Variants in VTI1A observed in about 807,000 individuals in gnomAD.
VTI1A encodes vesicle transport through interaction with t-SNAREs homolog 1A.
Under a neutral mutation model 34.9 loss-of-function variants are expected in VTI1A, and 22 were observed. The observed-to-expected ratio is 0.63, with a 90% confidence interval of 0.45 to 0.90. The LOEUF is 0.90. VTI1A is among the 40% of genes least tolerant of loss of function. VTI1A has a pLI of 0.00. For synonymous variants in VTI1A, 87 were observed against 97.3 expected (o/e 0.89, Z 0.62); for missense variants, 268 against 275.6 (o/e 0.97, Z 0.20).
At chr10:112,805,609 G>A (rs1350235665) in intron 7 of VTI1A, among the ~76,000 whole-genome samples, 1 of 152,216 alleles carries the variant, frequency 6.6e-6, no homozygotes, top group Non-Finnish European at 1.5e-5. Context: ...TTAAGATGAG[G>A]TACGGGAATA....
chr10:112,636,450 G>A (rs546757559), intron 5 of VTI1A, among the ~76,000 whole-genome samples: 4 of 152,274 alleles, frequency 2.6e-5, no homozygotes, highest in African/African-American at 9.6e-5. Context: ...CTCCAGCCGG[G>A]TGCAGTGGCT....
intron 7 of VTI1A, among the ~76,000 whole-genome samples, chr10:112,803,070 T>C (rs183674454): frequency 6.6e-6 from 1 of 152,316 alleles, no homozygotes; most frequent in East Asian, 1.9e-4. Context: ...CATTTTATTT[T>C]ATTTTTTTAT....
At chr10:112,514,679 T>TATTG (rs1849715980) in intron 3 of VTI1A, among the ~76,000 whole-genome samples, 1 of 152,012 alleles carries the variant, frequency 6.6e-6, no homozygotes, top group Non-Finnish European at 1.5e-5. Flanking sequence ...ATCCCATAAG[T>TATTG]ATTGGTATGT....
chr10:112,506,019 G>T (rs1209710992), intron 3 of VTI1A, among the ~76,000 whole-genome samples: 1 of 152,034 alleles, frequency 6.6e-6, no homozygotes, highest in African/African-American at 2.4e-5. Flanking sequence ...TTAATAATAG[G>T]TATGTATATA....
chr10:112,690,205 A>G (rs969901440), intron 7 of VTI1A, among the ~76,000 whole-genome samples: 4 of 152,194 alleles, frequency 2.6e-5, no homozygotes, highest in African/African-American at 9.7e-5. Flanking sequence ...GCTATTTTAA[A>G]TAACGCTGCT....
chr10:112,461,808 C>T (rs1847737034), intron 2 of VTI1A, among the ~76,000 whole-genome samples: 1 of 152,218 alleles, frequency 6.6e-6, no homozygotes, highest in South Asian at 2.1e-4. Context: ...ACCTCTGCCT[C>T]TTGGGCTCAA....
chr10:112,449,577 A>G (rs545067483), intron 1 of VTI1A: 12 of 152,254 alleles, frequency 7.9e-5, no homozygotes, highest in African/African-American at 2.9e-4. Context: ...AACATGGAGA[A>G]ACCCTGTCTC....
intron 3 of VTI1A, among the ~76,000 whole-genome samples, chr10:112,490,832 T>G (rs1424753658): frequency 6.6e-6 from 1 of 152,154 alleles, no homozygotes; most frequent in Non-Finnish European, 1.5e-5. Flanking sequence ...AAATTTTTGC[T>G]GGCAGCCGGG....
intron 5 of VTI1A, among the ~76,000 whole-genome samples, chr10:112,582,757 T>TA (rs1843998500): frequency 6.6e-6 from 1 of 152,188 alleles, no homozygotes; most frequent in South Asian, 2.1e-4. Context: ...CCTTTTAACT[T>TA]AAACGTGTTT....
chr10:112,813,896 GT>G (rs1564935903), intron 7 of VTI1A, among the ~76,000 whole-genome samples: 1 of 152,212 alleles, frequency 6.6e-6, no homozygotes, highest in African/African-American at 2.4e-5. Context: ...CACTAAGGCA[GT>G]TTTGCGGAAG....
intron 4 of VTI1A, among the ~76,000 whole-genome samples, chr10:112,537,310 G>GATATATATATAT (rs1564817675): frequency 9.2e-5 from 1 of 10,860 alleles, no homozygotes; most frequent in Non-Finnish European, 2.4e-4. Flanking sequence ...TAAGTATCTA[G>GATATATATATAT]GTATATATAT....
intron 7 of VTI1A, among the ~76,000 whole-genome samples, chr10:112,772,907 G>A (rs548012496): frequency 1.3e-5 from 2 of 152,336 alleles, no homozygotes; most frequent in South Asian, 4.1e-4. Context: ...GTCATTCAGA[G>A]CAGAACAGGG....
chr10:112,512,440 C>T (rs188969826), intron 3 of VTI1A, among the ~76,000 whole-genome samples: 1 of 152,114 alleles, frequency 6.6e-6, no homozygotes, highest in East Asian at 1.9e-4. Flanking sequence ...CTTATATATT[C>T]TGAATATTAG....
At chr10:112,661,507 C>T (rs1171019616) in intron 5 of VTI1A, among the ~76,000 whole-genome samples, 17 of 152,238 alleles carry the variant, frequency 1.1e-4, no homozygotes, top group Admixed American at 9.8e-4. Flanking sequence ...TTGCCTTCAG[C>T]CTGAATTATT....
At chr10:112,828,654 C>G in the VTI1A span, among the ~76,000 whole-genome samples, 1 of 151,986 alleles carries the variant, frequency 6.6e-6, no homozygotes, top group Non-Finnish European at 1.5e-5. Flanking sequence ...ATCAACCCGC[C>G]TCAGCCTCCC....
intron 5 of VTI1A, among the ~76,000 whole-genome samples, chr10:112,572,142 T>C (rs1852149430): frequency 6.6e-6 from 1 of 152,218 alleles, no homozygotes; most frequent in East Asian, 1.9e-4. Context: ...TTTAAAAAGA[T>C]GAAAAAGAAA....
intron 1 of VTI1A, among the ~76,000 whole-genome samples, chr10:112,452,432 G>A (rs1274150738): frequency 6.6e-6 from 1 of 152,046 alleles, no homozygotes; most frequent in Admixed American, 6.6e-5. Context: ...GCTGGGTGTA[G>A]TGGCACGTGC....
intron 3 of VTI1A, among the ~76,000 whole-genome samples, chr10:112,518,142 G>A (rs1224995406): frequency 1.3e-5 from 2 of 151,976 alleles, no homozygotes; most frequent in African/African-American, 4.8e-5. Context: ...GTGGTAGGAA[G>A]AAATCCAGTT....
intron 5 of VTI1A, among the ~76,000 whole-genome samples, chr10:112,595,640 A>G (rs1345606667): frequency 3.2e-4 from 49 of 152,010 alleles, no homozygotes; most frequent in African/African-American, 8.5e-4. Flanking sequence ...TAGAATGGCA[A>G]TCATTAAAAA....
Sources: gnomAD v4.1 joint callset for allele counts (sites outside exome capture counted in the v4.1 genomes callset) on GRCh38, gnomAD v4.1.1 for gene constraint, MANE v1.5 for transcripts, NCBI Gene and HGNC (gene_info 2026-07-23, HGNC 2026-07-21) for gene names.